ERG: variants seen among roughly 807,000 people sequenced by gnomAD.
ERG encodes ETS transcription factor ERG.
ERG carries 9 observed loss-of-function variants against 55.3 expected under a neutral mutation model. The ratio of observed to expected loss-of-function variants is 0.16; its 90% confidence interval spans 0.10 to 0.28. The LOEUF is 0.28. Among genes scored for constraint, ERG ranks in the 10% least tolerant of loss-of-function variants. ERG has a pLI of 1.00. For missense variants in ERG, 434 were observed against 631.6 expected (o/e 0.69, Z 3.35); for synonymous variants, 223 against 237.3 (o/e 0.94, Z 0.55).
intron 1 of ERG, among the ~76,000 whole-genome samples, chr21:38,583,986 T>TA (rs1411446772): frequency 6.6e-6 from 1 of 152,206 alleles, no homozygotes; most frequent in Non-Finnish European, 1.5e-5. Context: ...TGGAGGGACT[T>TA]ACGAAAGTCA....
chr21:38,426,828 G>A (rs535029661), intron 2 of ERG, among the ~76,000 whole-genome samples: 1 of 152,036 alleles, frequency 6.6e-6, no homozygotes, highest in African/African-American at 2.4e-5. Context: ...TACTCGGGAG[G>A]CTGAGGCAGG....
At chr21:38,541,376 G>A (rs2059751269) in intron 2 of ERG, among the ~76,000 whole-genome samples, 1 of 152,134 alleles carries the variant, frequency 6.6e-6, no homozygotes, top group Admixed American at 6.5e-5. Flanking sequence ...GGATAGCACT[G>A]GCTAAGAACT....
chr21:38,368,236 G>A, the ERG span, among the ~76,000 whole-genome samples: 351 of 151,896 alleles, frequency 2.3e-3, 3 homozygotes, highest in South Asian at 0.02. Flanking sequence ...GCTTTTCCTC[G>A]TTTTTTTGTT....
chr21:38,390,775 A>G (rs988966293), intron 9 of ERG, among the ~76,000 whole-genome samples: 1 of 152,224 alleles, frequency 6.6e-6, no homozygotes, highest in Non-Finnish European at 1.5e-5. Flanking sequence ...GCAGCCCTAG[A>G]AAACTATTAC....
At chr21:38,493,618 C>T (rs2059355662) in intron 1 of ERG, among the ~76,000 whole-genome samples, 1 of 152,180 alleles carries the variant, frequency 6.6e-6, no homozygotes, top group Non-Finnish European at 1.5e-5. Flanking sequence ...GCTGTTCCTG[C>T]CCTAACCAGG....
chr21:38,640,916 C>T (rs532500726), intron 1 of ERG, among the ~76,000 whole-genome samples: 9 of 152,204 alleles, frequency 5.9e-5, no homozygotes, highest in South Asian at 4.1e-4. Flanking sequence ...TCATTATAAG[C>T]GCAGAAATAC....
chr21:38,389,827 T>C (rs1176302293), intron 9 of ERG, among the ~76,000 whole-genome samples: 1 of 152,162 alleles, frequency 6.6e-6, no homozygotes, highest in Non-Finnish European at 1.5e-5. Context: ...GCTAACTAGT[T>C]TTCTTTAGAT....
intron 1 of ERG, among the ~76,000 whole-genome samples, chr21:38,607,869 T>C (rs919185530): frequency 6.6e-5 from 10 of 151,330 alleles, no homozygotes; most frequent in Non-Finnish European, 1.3e-4. Context: ...CAGAGGGCCT[T>C]GGATCGTTTG....
chr21:38,405,421 T>C (rs1317088651), intron 3 of ERG, among the ~76,000 whole-genome samples: 3 of 152,152 alleles, frequency 2.0e-5, no homozygotes, highest in African/African-American at 7.2e-5. Context: ...TGAGTCCGCA[T>C]TGGTCCAGGG....
intron 6 of ERG, 51 bp from the exon 7 acceptor site, chr21:38,392,495 G>A (rs2146432398): frequency 1.6e-6 from 2 of 1,279,282 alleles, no homozygotes; most frequent in Non-Finnish European, 2.1e-6. Context: ...ATTTTTATAA[G>A]AGATGCTTTG....
intron 1 of ERG, among the ~76,000 whole-genome samples, chr21:38,479,216 A>C (rs1434859526): frequency 2.6e-5 from 4 of 152,236 alleles, no homozygotes; most frequent in Admixed American, 2.6e-4. Context: ...TTGTTTGCAC[A>C]TAAATGATTT....
Position 38,611,813 on chromosome 21 carries a change from G to A in ERG, c.-149-26868C>T, listed in dbSNP as rs74428502. On this transcript the variant is annotated intron_variant, in intron 1 of 10. Coordinates refer to the ERG transcript ENST00000398910. The stretch of plus-strand genomic sequence containing the variant: ...CGGCACCCAGGACAGGGGTGGGCAC[G>A]GAGTGGGCAGGCAATAGGTGTTTGT... Among the ~76,000 whole-genome samples, 1,203 of 152,212 alleles carry A rather than the reference G, an allele frequency of 7.9e-3. 13 individuals are homozygous for A. The highest frequency in any genetic ancestry group is 0.027 in the African/African-American group (1,117 of 41,516).
chr21:38,519,426 A>G (rs2059577136), intron 2 of ERG, among the ~76,000 whole-genome samples: 1 of 152,176 alleles, frequency 6.6e-6, no homozygotes, highest in Non-Finnish European at 1.5e-5. Context: ...AGGATAAACA[A>G]TAGGAGCTGT....
At chr21:38,476,400 C>G (rs1360903765) in intron 1 of ERG, among the ~76,000 whole-genome samples, 1 of 152,142 alleles carries the variant, frequency 6.6e-6, no homozygotes, top group Middle Eastern at 3.2e-3. Flanking sequence ...GTAACACCAG[C>G]GAAACATGTT....
intron 1 of ERG, among the ~76,000 whole-genome samples, chr21:38,449,449 A>G (rs1189027614): frequency 1.3e-5 from 2 of 152,250 alleles, no homozygotes; most frequent in Admixed American, 6.5e-5. Flanking sequence ...ATAACACATG[A>G]GGACCATTCC....
At chr21:38,654,913 T>C (rs902635372) in intron 1 of ERG, among the ~76,000 whole-genome samples, 1 of 150,936 alleles carries the variant, frequency 6.6e-6, no homozygotes, top group Non-Finnish European at 1.5e-5. Flanking sequence ...ATAATTTTAA[T>C]GAGAATCCAT....
chr21:38,383,589 C>T lies in ERG; in HGVS notation c.1254G>A (p.Met418Ile). ...LYKYPSDLPYMGSYHAHPQKM... is the reference protein window; with the variant it reads ...LYKYPSDLPYIGSYHAHPQKM... ...TCTGTGGGTGGGCGTGATAGGAGCCCATGTACGGGAGGTCTGAGGGGTACT... is the reference window on the plus strand; with the variant it reads ...TCTGTGGGTGGGCGTGATAGGAGCCTATGTACGGGAGGTCTGAGGGGTACT... Residue 418 changes from methionine (M) to isoleucine (I), a missense_variant, in exon 10 of 10, where the codon ATG (methionine) becomes ATA (isoleucine). Transcript: ENST00000288319. The surrounding 1 kb of genome is among the most constrained non-coding windows in gnomAD (Gnocchi z 5.7). The T allele has an allele frequency of 1.2e-6, 2 of 1,609,244 alleles. No individual in the cohort carries two copies. The highest frequency in any genetic ancestry group is 2.2e-5 in the East Asian group (1 of 44,696).
Position 38,403,607 on chromosome 21 carries a change from T to C in ERG, c.491A>G (p.Asp164Gly). 2 of 1,614,144 alleles carry C rather than the reference T, an allele frequency of 1.2e-6. No homozygotes were observed. Among genetic ancestry groups the C allele is most frequent in the Non-Finnish European group, 1.7e-6 (2 of 1,180,016 alleles). Residue 164 changes from aspartate to glycine, a missense_variant, in exon 4 of 10, where the codon GAT becomes GGT. By Grantham distance (94) the Asp-to-Gly change is moderately conservative. Coordinates refer to ENST00000288319, the MANE Select transcript of ERG (RefSeq NM_182918.4). ...GGTCATCTTGCACAGTTCCTTCCCA[T>C]CGATGTTCTGGAATAACAAGATGTT... ...DVNILLFQNI[D>G]GKELCKMTKD...
chr21:38,650,030 G>A (rs180703627), intron 1 of ERG, among the ~76,000 whole-genome samples: 3 of 152,150 alleles, frequency 2.0e-5, no homozygotes, highest in African/African-American at 7.2e-5. Flanking sequence ...GCTGCCTTAG[G>A]TGTAAAATTC....
Sources: gnomAD v4.1 joint callset for allele counts (sites outside exome capture counted in the v4.1 genomes callset) on GRCh38, gnomAD v4.1.1 for gene constraint, Gnocchi (gnomAD v3.1) non-coding constraint, MANE v1.5 for transcripts, NCBI Gene and HGNC (gene_info 2026-07-23, HGNC 2026-07-21) for gene names.